Variants in CA10 observed in about 807,000 individuals in gnomAD.
CA10 encodes the protein carbonic anhydrase 10 (inactive), also known as carbonic anhydrase-related protein 10.
CA10 carries 14 observed loss-of-function variants against 44.2 expected under a neutral mutation model. The ratio of observed to expected loss-of-function variants is 0.32; its 90% confidence interval spans 0.21 to 0.50. The LOEUF (loss-of-function observed/expected upper bound fraction) is 0.50, where lower values mean the gene tolerates loss of function less well. Among genes scored for constraint, CA10 ranks in the 20% least tolerant of loss-of-function variants. The probability of loss-of-function intolerance (pLI) is 0.99; values close to 1 mark genes in which losing one functional copy is unlikely to be tolerated. For synonymous variants in CA10, 159 were observed against 141.6 expected, an observed-to-expected ratio of 1.12 and a Z score of -0.87; for missense variants, 350 against 409.7, an observed-to-expected ratio of 0.85 and a Z score of 1.26.
chr17:52,153,980 C>G (rs1989754331), intron 1 of CA10, among the ~76,000 whole-genome samples: 1 of 152,146 alleles, frequency 6.6e-6, no homozygotes, highest in Non-Finnish European at 1.5e-5. Flanking sequence ...ATATTCCTTG[C>G]TTGTAGAGAT....
At chr17:51,938,685 G>A (rs978886357) in intron 2 of CA10, among the ~76,000 whole-genome samples, 3 of 152,102 alleles carry the variant, frequency 2.0e-5, no homozygotes, top group Non-Finnish European at 4.4e-5. Context: ...TCCAAGTGGT[G>A]ACTGGCTGGA....
chr17:51,985,920 T>A (rs182145392), intron 2 of CA10, among the ~76,000 whole-genome samples: 132 of 152,066 alleles, frequency 8.7e-4, no homozygotes, highest in Non-Finnish European at 1.8e-3. Context: ...AAAATGACCA[T>A]ACTGCCAAAA....
intron 2 of CA10, among the ~76,000 whole-genome samples, chr17:52,010,249 G>C (rs560971152): frequency 1.3e-4 from 20 of 151,924 alleles, no homozygotes; most frequent in African/African-American, 4.8e-4. Flanking sequence ...CCCACTTCTC[G>C]GTATCTACCT....
At chr17:52,096,826 T>A (rs1567732063) in intron 1 of CA10, among the ~76,000 whole-genome samples, 1 of 152,218 alleles carries the variant, frequency 6.6e-6, no homozygotes, top group African/African-American at 2.4e-5. Flanking sequence ...TCACATAATA[T>A]GCTATGAGGT....
intron 4 of CA10, among the ~76,000 whole-genome samples, chr17:51,708,670 G>A (rs1045051847): frequency 6.6e-6 from 1 of 152,150 alleles, no homozygotes; most frequent in Non-Finnish European, 1.5e-5. Context: ...GGGAGAAGGA[G>A]ACCCACCCTC....
At chr17:51,871,058 T>C (rs1979784718) in intron 3 of CA10, among the ~76,000 whole-genome samples, 1 of 101,098 alleles carries the variant, frequency 9.9e-6, no homozygotes, top group East Asian at 2.3e-4. Flanking sequence ...TACTTTTTTT[T>C]TTTTTTTTTT....
chr17:52,027,352 G>T (rs533451895), intron 2 of CA10, among the ~76,000 whole-genome samples: 3 of 151,958 alleles, frequency 2.0e-5, no homozygotes, highest in African/African-American at 7.3e-5. Flanking sequence ...GCCTCTGACT[G>T]GTATGGGGGT....
At chr17:51,821,893 G>C (rs1907816554) in intron 3 of CA10, among the ~76,000 whole-genome samples, 1 of 152,140 alleles carries the variant, frequency 6.6e-6, no homozygotes, top group Non-Finnish European at 1.5e-5. Flanking sequence ...AGATTCTTGA[G>C]CTTCAATTTT....
chr17:51,640,551 G>T (rs1913039422), intron 6 of CA10, among the ~76,000 whole-genome samples: 1 of 152,194 alleles, frequency 6.6e-6, no homozygotes, highest in Non-Finnish European at 1.5e-5. Flanking sequence ...CTCAGAGGCT[G>T]CCATTAAATC....
intron 3 of CA10, among the ~76,000 whole-genome samples, chr17:51,910,886 G>T (rs1186532663): frequency 1.3e-5 from 2 of 152,100 alleles, no homozygotes; most frequent in African/African-American, 4.8e-5. Context: ...GTCATTGCAG[G>T]GAGGGGACAC....
chr17:52,154,791 A>G (rs888788264), intron 1 of CA10, among the ~76,000 whole-genome samples: 30 of 152,362 alleles, frequency 2.0e-4, no homozygotes, highest in Middle Eastern at 3.4e-3. Flanking sequence ...AAAGACATAC[A>G]TGCTACTGAC....
chr17:51,920,071 C>T (rs1355693914), intron 3 of CA10, among the ~76,000 whole-genome samples: 1 of 152,100 alleles, frequency 6.6e-6, no homozygotes, highest in Non-Finnish European at 1.5e-5. Context: ...AATTCATCTG[C>T]CTATAAATTA....
In CA10 at chr17:51,747,704, G is replaced by T; in HGVS notation, c.394C>A (p.Arg132=). 1 of 1,614,130 alleles carries T rather than the reference G, an allele frequency of 6.2e-7. No individual in the cohort carries two copies. The highest frequency in any genetic ancestry group is 8.5e-7 in the Non-Finnish European group (1 of 1,180,016). ...MTYSHRLEEI[R]LHFGSEDSQG... ...CTGTCCTCACTCCCAAAGTGTAGTC[G>T]GATCTCCTCCAGCCGGTGGCTGTAT... The change falls in exon 4 of 9, where the codon CGA becomes AGA. Residue 132 remains arginine (R), a synonymous_variant. Coordinates refer to ENST00000451037, the MANE Select transcript of CA10 (RefSeq NM_020178.5).
chr17:51,685,631 A>G (rs1914981936), intron 4 of CA10, among the ~76,000 whole-genome samples: 1 of 152,178 alleles, frequency 6.6e-6, no homozygotes, highest in African/African-American at 2.4e-5. Context: ...AATGTGGACA[A>G]ATGTAAAATA....
intron 3 of CA10, among the ~76,000 whole-genome samples, chr17:51,821,662 T>C (rs967247600): frequency 1.3e-5 from 2 of 152,038 alleles, no homozygotes; most frequent in Admixed American, 1.3e-4. Flanking sequence ...AGCTCCTCAG[T>C]GGCTTCTCAT....
chr17:51,644,504 G>A (rs1330819595), intron 6 of CA10, among the ~76,000 whole-genome samples: 2 of 152,042 alleles, frequency 1.3e-5, no homozygotes, highest in African/African-American at 4.8e-5. Context: ...GGATGCCAAC[G>A]TCTTCCACAT....
intron 3 of CA10, among the ~76,000 whole-genome samples, chr17:51,878,345 C>T (rs1980183615): frequency 6.6e-6 from 1 of 151,918 alleles, no homozygotes. Context: ...GAAGCCCCTG[C>T]ATTAGTTGTA....
At chr17:51,925,438 A>C (rs575009856) in intron 3 of CA10, among the ~76,000 whole-genome samples, 26 of 152,248 alleles carry the variant, frequency 1.7e-4, no homozygotes, top group South Asian at 6.2e-4. Context: ...AAAAAAAAAA[A>C]AACAACAAGT....
At chr17:51,993,344 T>A (rs1285225995) in intron 2 of CA10, among the ~76,000 whole-genome samples, 1 of 152,166 alleles carries the variant, frequency 6.6e-6, no homozygotes, top group Non-Finnish European at 1.5e-5. Context: ...ACATCTACTG[T>A]TGTCTCTGAC....
Sources: gnomAD v4.1 joint callset for allele counts (sites outside exome capture counted in the v4.1 genomes callset) on GRCh38, gnomAD v4.1.1 for gene constraint, MANE v1.5 for transcripts, NCBI Gene and HGNC (gene_info 2026-07-23, HGNC 2026-07-21) for gene names.